Variants in PLAGL1 observed in about 807,000 individuals in gnomAD.
PLAGL1 encodes the protein PLAG1 like zinc finger 1, also known as zinc finger protein PLAGL1.
PLAGL1 carries 1 observed loss-of-function variant against 4.6 expected under a neutral mutation model. The ratio of observed to expected loss-of-function variants is 0.22; its 90% CI spans 0.08 to 1.03. PLAGL1 has a LOEUF of 1.03. PLAGL1 is among the 50% of genes least tolerant of loss of function. PLAGL1 has a pLI of 0.58. For missense variants in PLAGL1, 464 were observed against 570.4 expected, an observed-to-expected ratio of 0.81 and a Z score of 1.90; for synonymous variants, 240 against 237.8, an observed-to-expected ratio of 1.01 and a Z score of -0.08.
At chr6:144,025,765 C>T (rs1466311969) in intron 1 of PLAGL1, among the ~76,000 whole-genome samples, 1 of 151,966 alleles carries the variant, frequency 6.6e-6, no homozygotes, top group South Asian at 2.1e-4. Flanking sequence ...TGGTGGCACG[C>T]ACCTGTAATC....
intron 1 of PLAGL1, among the ~76,000 whole-genome samples, chr6:143,987,437 C>CT (rs71024883): frequency 0.011 from 787 of 73,898 alleles, 43 homozygotes; most frequent in African/African-American, 0.025. Context: ...ACCACACTGG[C>CT]TTTTTTTTTT....
rs1323610233 is a variant in PLAGL1, at chr6:144,061,294, G to A, written c.-151+3174C>T. On this transcript the variant is annotated intron_variant, in intron 1 of 3. Coordinates refer to the PLAGL1 transcript ENST00000437412. This position sits in a 1 kb window ranked among gnomAD's most constrained non-coding sequence, Gnocchi z 4.4. ...GTTACCCATCAGCCATATGACGTTAGCAAGTCAGTCTCTTCCAATTCCAAT... is the reference window on the plus strand; with the variant it reads ...GTTACCCATCAGCCATATGACGTTAACAAGTCAGTCTCTTCCAATTCCAAT... Among the ~76,000 whole-genome samples the A allele has an allele frequency of 6.6e-6, 1 of 152,198 alleles. No homozygotes were observed. The highest frequency in any genetic ancestry group is 1.5e-5 in the Non-Finnish European group (1 of 68,040).
At chr6:143,993,442 G>GA (rs1338316184) in intron 1 of PLAGL1, among the ~76,000 whole-genome samples, 2 of 151,148 alleles carry the variant, frequency 1.3e-5, no homozygotes, top group Non-Finnish European at 2.9e-5. Context: ...GCTTAGAAAA[G>GA]AACTATCCGG....
At chr6:143,996,855 C>A (rs1328421625) in intron 1 of PLAGL1, among the ~76,000 whole-genome samples, 1 of 152,034 alleles carries the variant, frequency 6.6e-6, no homozygotes, top group African/African-American at 2.4e-5. Flanking sequence ...TTAACCTTGA[C>A]CCTTATCTCA....
chr6:144,011,079 G>T (rs1795145457), upstream of PLAGL1, among the ~76,000 whole-genome samples: 1 of 152,008 alleles, frequency 6.6e-6, no homozygotes, highest in Admixed American at 6.6e-5. The surrounding 1 kb of genome is among the most constrained non-coding windows in gnomAD (Gnocchi z 4.3). Context: ...CAAAAGCAAT[G>T]GCAACAAAAG....
chr6:143,977,005 T>A (rs1001327333), intron 2 of PLAGL1, among the ~76,000 whole-genome samples: 2 of 152,164 alleles, frequency 1.3e-5, no homozygotes, highest in East Asian at 1.9e-4. Context: ...TCGATTTTTT[T>A]AAAATAGGCT....
At chr6:144,045,000 C>CTTTTTTTTTTTT in intron 1 of PLAGL1, among the ~76,000 whole-genome samples, 1 of 47,338 alleles carries the variant, frequency 2.1e-5, no homozygotes, top group Non-Finnish European at 3.9e-5. Context: ...GCAACCCCTG[C>CTTTTTTTTTTTT]TTTTTTTTTT....
chr6:144,056,145 T>C lies in PLAGL1; in HGVS notation c.-151+8323A>G, dbSNP rs1798947986. Reference sequence around the variant, plus strand: ...GATCAGTTTGAGAACCGCTGCTTTATATCTTTTAACACATTCGCTTTTTTA... The same window carrying C: ...GATCAGTTTGAGAACCGCTGCTTTACATCTTTTAACACATTCGCTTTTTTA... On this transcript the variant is annotated intron_variant, in intron 1 of 3. Transcript: ENST00000437412. The surrounding 1 kb of genome is among the most constrained non-coding windows in gnomAD (Gnocchi z 4.7). Among the ~76,000 whole-genome samples the C allele has an allele frequency of 6.6e-6, 1 of 151,814 alleles. No individual in the cohort carries two copies. The highest frequency in any genetic ancestry group is 2.1e-4 in the South Asian group (1 of 4,802).
chr6:143,993,133 C>A (rs550187817), intron 1 of PLAGL1, among the ~76,000 whole-genome samples: 3 of 151,652 alleles, frequency 2.0e-5, no homozygotes, highest in Non-Finnish European at 2.9e-5. Context: ...ACAGTGAAAC[C>A]CCACCTCTAC....
Position 144,064,540 on chromosome 6 carries a change from G to C in PLAGL1, c.-223C>G, listed in dbSNP as rs556207078. ...GTGGCCCACTGGGTCAGCTCCGGCCGGCGGGTCCGGGCGGCCGCTGGGCGT... is the reference window on the plus strand; with the variant it reads ...GTGGCCCACTGGGTCAGCTCCGGCCCGCGGGTCCGGGCGGCCGCTGGGCGT... On this transcript the variant is annotated 5_prime_UTR_variant, in exon 1 of 4. Transcript: ENST00000437412. The surrounding 1 kb of genome is among the most constrained non-coding windows in gnomAD (Gnocchi z 6.8). The C allele has an allele frequency of 3.9e-5, 6 of 152,304 alleles. No individual in the cohort carries two copies. Among genetic ancestry groups the C allele is most frequent in the Non-Finnish European group, 7.3e-5 (5 of 68,060 alleles). 9.4% of individuals were successfully genotyped at this position (152,304 alleles called of 1,614,324 possible).
rs899189799 is a variant in PLAGL1 at position 144,034,243 on chromosome 6, T to C, written c.-151+30225A>G. On this transcript the variant is annotated intron_variant, in intron 1 of 3. Coordinates refer to the PLAGL1 transcript ENST00000437412. This position sits in a 1 kb window ranked among gnomAD's most constrained non-coding sequence, Gnocchi z 4.7. ...GGTGCCTCATTCCAGGGCTCTTCCA[T>C]CTTTCTCTAGCTGCCAAGGCCCAGG... 1.3e-5 allele frequency among the ~76,000 whole-genome samples: 2 copies of C among 152,072 alleles called. No homozygotes were observed. The highest frequency in any genetic ancestry group is 2.9e-5 in the Non-Finnish European group (2 of 67,998).
In PLAGL1 at chr6:144,022,028, T is replaced by C. The variant is rs181252973; in HGVS notation, c.-151+42440A>G. On this transcript the variant is annotated intron_variant, in intron 1 of 3. Transcript: ENST00000437412. This position sits in a 1 kb window ranked among gnomAD's most constrained non-coding sequence, Gnocchi z 4.2. ...TTCAAAAGAGGTGATCCAACTCTCCTACCTCAGGCAGTTGCAGGGCTTTGA... is the reference window on the plus strand; with the variant it reads ...TTCAAAAGAGGTGATCCAACTCTCCCACCTCAGGCAGTTGCAGGGCTTTGA... Among the ~76,000 whole-genome samples, 576 of 152,318 alleles carry C rather than the reference T, an allele frequency of 3.8e-3. 5 individuals carry two copies. The highest frequency in any genetic ancestry group is 0.013 in the African/African-American group (548 of 41,580).
rs1411557859 is a variant in PLAGL1 at position 143,945,208 on chromosome 6, T to C, written c.153-2545A>G. Among the ~76,000 whole-genome samples, 1 of 152,212 alleles carries C rather than the reference T, an allele frequency of 6.6e-6. No individual in the cohort carries two copies. The highest frequency in any genetic ancestry group is 1.9e-4 in the East Asian group (1 of 5,200). On this transcript the variant is annotated intron_variant, in intron 7 of 7. Transcript: ENST00000674357. The surrounding 1 kb of genome is among the most constrained non-coding windows in gnomAD (Gnocchi z 4.2). ...CAACGACTTGTTTCTTTCCCTCAGT[T>C]TTTCATCTTACCTTATAACCCATGA...
intron 1 of PLAGL1, among the ~76,000 whole-genome samples, chr6:143,992,937 C>T (rs1790790686): frequency 6.6e-6 from 1 of 151,858 alleles, no homozygotes. Context: ...GAGATCCTGC[C>T]ACCGCACTCC....
rs1788447110 is a variant in PLAGL1 at position 143,983,724 on chromosome 6, T to C, written c.-544+1411A>G. 6.6e-6 allele frequency among the ~76,000 whole-genome samples: 1 copy of C among 150,914 alleles called. No homozygotes were observed. Among genetic ancestry groups the C allele is most frequent in the Non-Finnish European group, 1.5e-5 (1 of 67,610 alleles). On this transcript the variant is annotated intron_variant, in intron 2 of 7. Coordinates refer to ENST00000674357, the MANE Select transcript of PLAGL1 (RefSeq NM_001317162.2). The surrounding 1 kb of genome is among the most constrained non-coding windows in gnomAD (Gnocchi z 6.6). ...GGGAGGATGTGAGATATGAAGGAAG[T>C]GTGCTGCAGTGTAAAAGTTGTATGT...
Position 144,050,335 on chromosome 6 carries a change from G to A in PLAGL1, c.-151+14133C>T, listed in dbSNP as rs1189905312. ...TGCTGAACTCAACTAAGTGAAATAT[G>A]TCCATAACACAATGCTGCCAGAAGG... On this transcript the variant is annotated intron_variant, in intron 1 of 3. Coordinates refer to the PLAGL1 transcript ENST00000437412. The surrounding 1 kb of genome is among the most constrained non-coding windows in gnomAD (Gnocchi z 4.3). 2.0e-5 allele frequency among the ~76,000 whole-genome samples: 3 copies of A among 152,128 alleles called. No homozygotes were observed. The highest frequency in any genetic ancestry group is 2.0e-4 in the Admixed American group (3 of 15,278).
intron 1 of PLAGL1, among the ~76,000 whole-genome samples, chr6:144,033,185 G>A (rs1796958886): frequency 6.6e-6 from 1 of 152,216 alleles, no homozygotes; most frequent in Admixed American, 6.5e-5. Flanking sequence ...TGAGTGACAT[G>A]AGGACTACTG....
chr6:144,027,084 C>T lies in PLAGL1; in HGVS notation c.-151+37384G>A, dbSNP rs547929600. On this transcript the variant is annotated intron_variant, in intron 1 of 3. Coordinates refer to the PLAGL1 transcript ENST00000437412. This position sits in a 1 kb window ranked among gnomAD's most constrained non-coding sequence, Gnocchi z 5.8. ...AACAAAATTAAAAAAATTAGTCAGC[C>T]GCGGTGGCATGCATCTGTGATCCCA... 2.0e-4 allele frequency among the ~76,000 whole-genome samples: 30 copies of T among 151,752 alleles called. No individual in the cohort carries two copies. Among genetic ancestry groups the T allele is most frequent in the Non-Finnish European group, 1.2e-4 (8 of 67,926 alleles).
chr6:144,045,665 C>T (rs1390095288), intron 1 of PLAGL1, among the ~76,000 whole-genome samples: 1 of 152,102 alleles, frequency 6.6e-6, no homozygotes, highest in Non-Finnish European at 1.5e-5. Context: ...AGTTATGTGT[C>T]TTGGGGTTGC....
Sources: gnomAD v4.1 joint callset for allele counts (sites outside exome capture counted in the v4.1 genomes callset) on GRCh38, gnomAD v4.1.1 for gene constraint, Gnocchi (gnomAD v3.1) non-coding constraint, MANE v1.5 for transcripts, NCBI Gene and HGNC (gene_info 2026-07-23, HGNC 2026-07-21) for gene names.